CNTNAP4: variants seen among roughly 807,000 people sequenced by gnomAD.
CNTNAP4 encodes contactin-associated protein-like 4.
A neutral mutation model predicts 148.4 loss-of-function variants in CNTNAP4; 98 were observed. That is an observed-to-expected ratio of 0.66 (90% CI 0.56 to 0.78). CNTNAP4 has a LOEUF of 0.78. CNTNAP4 is among the 30% of genes least tolerant of loss of function. The pLI is 0.00. For synonymous variants in CNTNAP4, 730 were observed against 565.1 expected (o/e 1.29, Z -4.14); for missense variants, 1,935 against 1,565.6 (o/e 1.24, Z -3.98).
intron 3 of CNTNAP4, among the ~76,000 whole-genome samples, chr16:76,417,972 C>T (rs2079046591): frequency 6.6e-6 from 1 of 151,742 alleles, no homozygotes; most frequent in South Asian, 2.1e-4. Context: ...TAAGTTTTAT[C>T]TTTCTTTCTC....
At chr16:76,359,512 T>C (rs1204388591) in intron 3 of CNTNAP4, among the ~76,000 whole-genome samples, 1 of 152,100 alleles carries the variant, frequency 6.6e-6, no homozygotes, top group African/African-American at 2.4e-5. Flanking sequence ...AAAAATGCTC[T>C]GCCACTTCTT....
At chr16:76,460,773 A>ATAAATATATATATATATATATAT (rs1555564517) in intron 8 of CNTNAP4, among the ~76,000 whole-genome samples, 1 of 57,324 alleles carries the variant, frequency 1.7e-5, no homozygotes, top group African/African-American at 6.4e-5. Flanking sequence ...AAAAAAAAAA[A>ATAAATATATATATATATATATAT]ATATATATAT....
intron 8 of CNTNAP4, among the ~76,000 whole-genome samples, chr16:76,453,458 T>C (rs2080596727): frequency 6.6e-6 from 1 of 152,178 alleles, no homozygotes; most frequent in South Asian, 2.1e-4. Flanking sequence ...GATGTTTTTG[T>C]CTCTTCATTA....
chr16:76,448,090 A>T lies in CNTNAP4; in HGVS notation c.617A>T (p.Asp206Val). ...FDQKSLSPIK[D>V]IISLKFKTMQ... ...CAAAAATCCCTGAGCCCAATAAAAG[A>T]CATTATTTCTTTGAAATTCAAAACC... The change falls in exon 5 of 24, where the codon GAC (aspartate) becomes GTC (valine). Residue 206 changes from aspartate (D) to valine (V), a missense_variant. Asp to Val is a radical substitution (Grantham distance 152). Coordinates refer to ENST00000611870, the MANE Select transcript of CNTNAP4 (RefSeq NM_033401.5). 6.2e-7 allele frequency: 1 copy of T among 1,613,780 alleles called. No individual in the cohort carries two copies. The highest frequency in any genetic ancestry group is 8.5e-7 in the Non-Finnish European group (1 of 1,179,704).
intron 12 of CNTNAP4, among the ~76,000 whole-genome samples, chr16:76,482,516 G>A (rs532271759): frequency 8.6e-5 from 13 of 150,778 alleles, no homozygotes; most frequent in African/African-American, 2.4e-4. Flanking sequence ...GGGAGCAACC[G>A]CTTCTTTATA....
intron 3 of CNTNAP4, among the ~76,000 whole-genome samples, chr16:76,364,082 C>G (rs776766262): frequency 1.3e-5 from 2 of 151,516 alleles, no homozygotes; most frequent in African/African-American, 2.4e-5. Context: ...ATTAAGAATA[C>G]AAAAATTAGC....
In CNTNAP4 at chr16:76,522,253, C is replaced by T. The variant is rs761194569; in HGVS notation, c.2751C>T (p.Phe917=). Reference sequence around the variant, plus strand: ...TGTTACAGCTCAACAGTCAGCTCTTCGTGGGTAAGTTCTCTTTTTAAGCAA... The same window carrying T: ...TGTTACAGCTCAACAGTCAGCTCTTTGTGGGTAAGTTCTCTTTTTAAGCAA... ...HVLLQLNSQL[F]VGGTATRQRG... The change falls in exon 17 of 24, where the codon TTC becomes TTT. Residue 917 remains phenylalanine (F), a synonymous_variant. Coordinates refer to ENST00000611870, the MANE Select transcript of CNTNAP4 (RefSeq NM_033401.5). 1.2e-5 allele frequency: 20 copies of T among 1,613,284 alleles called. No individual in the cohort carries two copies. Among genetic ancestry groups the T allele is most frequent in the South Asian group, 5.5e-5 (5 of 91,046 alleles).
intron 12 of CNTNAP4, among the ~76,000 whole-genome samples, chr16:76,482,837 A>C (rs1345538362): frequency 6.6e-6 from 1 of 152,220 alleles, no homozygotes; most frequent in Non-Finnish European, 1.5e-5. Context: ...TAATATCATC[A>C]TGGATCTTCC....
intron 17 of CNTNAP4, among the ~76,000 whole-genome samples, chr16:76,523,916 G>T (rs2083599289): frequency 6.6e-6 from 1 of 152,026 alleles, no homozygotes; most frequent in African/African-American, 2.4e-5. Flanking sequence ...GGTGACAGAG[G>T]GAGCCCCTGT....
chr16:76,295,245 A>G (rs1412371055), intron 1 of CNTNAP4, among the ~76,000 whole-genome samples: 11 of 152,240 alleles, frequency 7.2e-5, no homozygotes, highest in Non-Finnish European at 1.5e-4. Flanking sequence ...CATGCCCATC[A>G]TAGCGAGGTC....
chr16:76,388,754 G>A (rs1035931521), intron 3 of CNTNAP4, among the ~76,000 whole-genome samples: 11 of 152,120 alleles, frequency 7.2e-5, no homozygotes, highest in African/African-American at 2.2e-4. Flanking sequence ...TCTAAATGAT[G>A]GAAATGTTAT....
At chr16:76,364,589 T>G (rs76554429) in intron 3 of CNTNAP4, among the ~76,000 whole-genome samples, 3,522 of 152,238 alleles carry the variant, frequency 0.023, 128 homozygotes, top group African/African-American at 0.081. Flanking sequence ...TGCGATACTG[T>G]GTCTTAGACA....
At chr16:76,518,102 TA>T (rs2083317886) in intron 15 of CNTNAP4, among the ~76,000 whole-genome samples, 1 of 151,942 alleles carries the variant, frequency 6.6e-6, no homozygotes, top group Non-Finnish European at 1.5e-5. Context: ...AGATAAAAGG[TA>T]GGGTTTCTAG....
intron 1 of CNTNAP4, among the ~76,000 whole-genome samples, chr16:76,296,521 C>T (rs181464358): frequency 9.9e-5 from 15 of 152,236 alleles, no homozygotes; most frequent in Admixed American, 9.8e-4. Context: ...ATGTGTTCTT[C>T]AAGTTATATT....
intron 2 of CNTNAP4, among the ~76,000 whole-genome samples, chr16:76,334,219 G>T (rs1963819996): frequency 6.6e-6 from 1 of 151,420 alleles, no homozygotes; most frequent in South Asian, 2.1e-4. Flanking sequence ...CCTATTCTTT[G>T]TCATGTATAG....
chr16:76,323,057 G>A (rs545651917), intron 2 of CNTNAP4, among the ~76,000 whole-genome samples: 65 of 152,130 alleles, frequency 4.3e-4, no homozygotes, highest in African/African-American at 1.5e-3. Context: ...ATGTTGGCAA[G>A]GCTGATTTCG....
At chr16:76,479,350 C>T in intron 11 of CNTNAP4, 69 bp from the exon 12 acceptor site, 1 of 1,376,396 alleles carries the variant, frequency 7.3e-7, no homozygotes, top group Non-Finnish European at 9.8e-7. Flanking sequence ...TGCGGTATTT[C>T]ATGTCCAAAT....
intron 3 of CNTNAP4, among the ~76,000 whole-genome samples, chr16:76,387,298 C>G (rs1417204199): frequency 6.6e-6 from 1 of 152,154 alleles, no homozygotes; most frequent in Non-Finnish European, 1.5e-5. Context: ...ATGTTAATGT[C>G]AAACATTATG....
intron 3 of CNTNAP4, among the ~76,000 whole-genome samples, chr16:76,390,850 C>T (rs2016927117): frequency 1.3e-5 from 2 of 151,958 alleles, no homozygotes; most frequent in Non-Finnish European, 2.9e-5. Context: ...TTCTCATTAA[C>T]TGTTTTTTTT....
Sources: gnomAD v4.1 joint callset for allele counts (sites outside exome capture counted in the v4.1 genomes callset) on GRCh38, gnomAD v4.1.1 for gene constraint, MANE v1.5 for transcripts, NCBI Gene and HGNC (gene_info 2026-07-23, HGNC 2026-07-21) for gene names.